Variants in DPY19L3 observed in about 807,000 individuals in gnomAD.
DPY19L3 encodes dpy-19 like C-mannosyltransferase 3.
DPY19L3 carries 51 observed loss-of-function variants against 92.3 expected under a neutral mutation model. The observed-to-expected ratio is 0.55, with a 90% CI of 0.44 to 0.70. The LOEUF (loss-of-function observed/expected upper bound fraction) is 0.70. Ranked by LOEUF, DPY19L3 falls within the 30% of genes least tolerant of loss-of-function variation. The pLI is 0.00. For missense variants in DPY19L3, 706 were observed against 855.9 expected, an observed-to-expected ratio of 0.82 and a Z score of 2.18; for synonymous variants, 309 against 315.2, an observed-to-expected ratio of 0.98 and a Z score of 0.21.
chr19:32,449,321 T>TA (rs1236905843), intron 8 of DPY19L3, among the ~76,000 whole-genome samples: 4 of 152,194 alleles, frequency 2.6e-5, no homozygotes, highest in African/African-American at 9.7e-5. Flanking sequence ...TTGGAATACT[T>TA]ACTGTTGTTA....
At position 32,453,174 on chromosome 19, in the gene DPY19L3, A is replaced by C; in HGVS notation, c.885A>C (p.Thr295=). 6.2e-7 allele frequency: 1 copy of C among 1,614,134 alleles called. No individual in the cohort carries two copies. Among genetic ancestry groups the C allele is most frequent in the Non-Finnish European group, 8.5e-7 (1 of 1,180,004 alleles). ...KATWLYGIQI[T]SLLLVCILQF... ...CATGGCTGTATGGAATACAGATAAC[A>C]AGTTTACTCCTGGTCTGCATTCTTC... Residue 295 remains threonine, a synonymous_variant, in exon 9 of 19, where the codon ACA becomes ACC. Transcript: ENST00000392250.
intron 3 of DPY19L3, among the ~76,000 whole-genome samples, chr19:32,431,648 T>G: frequency 6.6e-6 from 1 of 152,198 alleles, no homozygotes. Context: ...AAGATGAAAT[T>G]CATTTATGTT....
At chr19:32,440,978 T>A (rs1969303551) in intron 8 of DPY19L3, among the ~76,000 whole-genome samples, 1 of 152,118 alleles carries the variant, frequency 6.6e-6, no homozygotes, top group Admixed American at 6.5e-5. Context: ...AGCAAGTAGA[T>A]AGGACTAAGT....
At chr19:32,422,629 A>ACACACACACAC (rs140226412) in intron 3 of DPY19L3, among the ~76,000 whole-genome samples, 30 of 146,722 alleles carry the variant, frequency 2.0e-4, no homozygotes, top group Non-Finnish European at 3.3e-4. Flanking sequence ...AATCAGGAAA[A>ACACACACACAC]ACACACACAC....
rs147937119 is a variant in DPY19L3, at chr19:32,458,559, A to G, written c.1322+50A>G. ...TGCTCTCCTTTAATGAACTTGTTCC[A>G]TGTTGCAGAAAAATTGCAAAGTTGA... is the stretch of plus-strand genomic sequence containing the variant. On this transcript the variant is annotated intron_variant, in intron 12 of 18. Transcript: ENST00000392250. 33 of 1,552,338 alleles carry G rather than the reference A, an allele frequency of 2.1e-5. No individual in the cohort carries two copies. The African/African-American group carries it at 3.3e-4, about 16-fold the overall frequency.
At chr19:32,428,980 T>G (rs1038012292) in intron 3 of DPY19L3, among the ~76,000 whole-genome samples, 8 of 152,140 alleles carry the variant, frequency 5.3e-5, no homozygotes, top group Non-Finnish European at 1.2e-4. Flanking sequence ...CCTGAGTAGC[T>G]GGGATTACAG....
chr19:32,428,376 G>T (rs574972556), intron 3 of DPY19L3, among the ~76,000 whole-genome samples: 3 of 152,138 alleles, frequency 2.0e-5, no homozygotes, highest in South Asian at 2.1e-4. Context: ...GGACCATTGC[G>T]ATAGATGTAG....
At chr19:32,455,258 C>T (rs533047196) in intron 10 of DPY19L3, among the ~76,000 whole-genome samples, 7 of 152,230 alleles carry the variant, frequency 4.6e-5, no homozygotes, top group Admixed American at 3.9e-4. Flanking sequence ...CCACACCTGG[C>T]TTCTTTGAAA....
In DPY19L3 at chr19:32,454,952, C is replaced by A; in HGVS notation, c.1001C>A (p.Thr334Asn). The A allele has an allele frequency of 6.4e-7, 1 of 1,560,904 alleles. No homozygotes were observed. Among genetic ancestry groups the A allele is most frequent in the East Asian group, 2.3e-5 (1 of 43,186 alleles). ...IARKLQKNLK[T>N]GSFLNRLGKL... ...TTTAATTTCTAGAAAAATCTGAAAA[C>A]TGGAAGCTTCCTTAATAGGCTTGGG... Residue 334 changes from threonine to asparagine, a missense_variant, in exon 10 of 19, where the codon ACT (threonine) becomes AAT (asparagine). Physicochemically the swap from Thr to Asn is moderately conservative, Grantham distance 65 (BLOSUM62 0). Coordinates refer to ENST00000392250, the MANE Select transcript of DPY19L3 (RefSeq NM_001172774.2).
At chr19:32,432,365 T>A (rs1457878185) in intron 3 of DPY19L3, among the ~76,000 whole-genome samples, 1 of 152,226 alleles carries the variant, frequency 6.6e-6, no homozygotes, top group East Asian at 1.9e-4. Flanking sequence ...TATGTAATAT[T>A]GGTAGCTTTT....
At chr19:32,479,954 T>G (rs1707843212) in intron 17 of DPY19L3, among the ~76,000 whole-genome samples, 1 of 152,204 alleles carries the variant, frequency 6.6e-6, no homozygotes, top group African/African-American at 2.4e-5. Flanking sequence ...ACCTACCAGT[T>G]TCAGAAGCTG....
At chr19:32,479,606 A>T (rs760362495) in intron 17 of DPY19L3, 1 of 437,724 alleles carries the variant, frequency 2.3e-6, no homozygotes, top group South Asian at 1.6e-5. Flanking sequence ...CCAAATCAGA[A>T]ATCTAGCACT....
At chr19:32,442,740 C>G (rs1969363759) in intron 8 of DPY19L3, among the ~76,000 whole-genome samples, 1 of 152,188 alleles carries the variant, frequency 6.6e-6, no homozygotes, top group Non-Finnish European at 1.5e-5. Flanking sequence ...AGACAGAAAA[C>G]TTTCAAACAT....
At chr19:32,421,848 TCA>T (rs902000696) in intron 3 of DPY19L3, among the ~76,000 whole-genome samples, 14 of 151,788 alleles carry the variant, frequency 9.2e-5, no homozygotes, top group Non-Finnish European at 5.9e-5. Flanking sequence ...GAAGGAGCGA[TCA>T]CAGAGACAAG....
chr19:32,447,977 G>C (rs757947400), intron 8 of DPY19L3, among the ~76,000 whole-genome samples: 3 of 152,140 alleles, frequency 2.0e-5, no homozygotes, highest in African/African-American at 4.8e-5. Context: ...AGAGTGGGAG[G>C]TGGGTGGGTG....
chr19:32,453,338 A>C, intron 9 of DPY19L3, 62 bp downstream of exon 9: 5 of 1,499,612 alleles, frequency 3.3e-6, no homozygotes, highest in Middle Eastern at 4.9e-4. Context: ...GGTTTATTGA[A>C]CCTTATTTTC....
At chr19:32,463,295 T>A (rs1370148402) in intron 12 of DPY19L3, 71 bp from the exon 13 acceptor site, 3 of 1,536,660 alleles carry the variant, frequency 2.0e-6, no homozygotes, top group Non-Finnish European at 2.7e-6. Context: ...TTCTTGTATC[T>A]TCTTCTTTTA....
intron 16 of DPY19L3, among the ~76,000 whole-genome samples, chr19:32,472,328 C>T (rs996217539): frequency 1.3e-5 from 2 of 152,182 alleles, no homozygotes; most frequent in East Asian, 1.9e-4. Context: ...CCCCAGGCTG[C>T]GGTAGCCCCA....
At chr19:32,412,008 C>T (rs1968200884) in intron 3 of DPY19L3, 1 of 152,224 alleles carries the variant, frequency 6.6e-6, no homozygotes, top group South Asian at 2.1e-4. Context: ...TCCTGTGTCA[C>T]TGGGACCCCA....
Sources: allele counts gnomAD v4.1 joint callset (sites outside exome capture counted in the v4.1 genomes callset), GRCh38; gene constraint gnomAD v4.1.1; transcripts MANE v1.5; gene names NCBI Gene and HGNC (gene_info 2026-07-23, HGNC 2026-07-21).